TGM6: variants seen among roughly 807,000 people sequenced by gnomAD.
TGM6 encodes the protein transglutaminase 6.
In TGM6, 74 loss-of-function variants were observed where a neutral mutation model predicts 77.5. The observed-to-expected ratio is 0.96, with a 90% CI of 0.79 to 1.16. The LOEUF (loss-of-function observed/expected upper bound fraction) is 1.16. TGM6 is among the 50% of genes most tolerant of loss of function. The probability of loss-of-function intolerance (pLI) is 0.00; values close to 1 mark genes in which losing one functional copy is unlikely to be tolerated. For missense variants in TGM6, 968 were observed against 940.2 expected (o/e 1.03, Z -0.39); for synonymous variants, 383 against 378.9 (o/e 1.01, Z -0.12).
intron 9 of TGM6, among the ~76,000 whole-genome samples, chr20:2,409,911 T>C (rs1018441338): frequency 6.6e-6 from 1 of 152,080 alleles, no homozygotes; most frequent in South Asian, 2.1e-4. Flanking sequence ...AAGAGAAGAA[T>C]CAAATTACTA....
chr20:2,427,741 G>A (rs908108128), intron 10 of TGM6, among the ~76,000 whole-genome samples: 2 of 151,978 alleles, frequency 1.3e-5, no homozygotes, highest in Non-Finnish European at 2.9e-5. Flanking sequence ...TGTTGGGGGA[G>A]GGGTGTTTGT....
rs371408722 is a variant in TGM6 at position 2,394,566 on chromosome 20, C to T, written c.122C>T (p.Thr41Met). The T allele has an allele frequency of 1.3e-5, 21 of 1,612,226 alleles. No individual in the cohort carries two copies. Among genetic ancestry groups the T allele is most frequent in the African/African-American group, 6.7e-5 (5 of 74,866 alleles). ...CGCAGGGGCCAGTCGTTCAGCCTCA[C>T]GCTGGAGCTGAGCAGAGCCCTGGAC... Reference protein sequence around the residue: ...VVRRGQSFSLTLELSRALDCE... With the variant: ...VVRRGQSFSLMLELSRALDCE... Residue 41 changes from threonine to methionine, a missense_variant, in exon 2 of 13, where the codon ACG (threonine) becomes ATG (methionine). Physicochemically the swap from Thr to Met is moderately conservative, Grantham distance 81. Transcript: ENST00000202625.
At chr20:2,411,428 T>C (rs1015791112) in intron 9 of TGM6, among the ~76,000 whole-genome samples, 1 of 149,644 alleles carries the variant, frequency 6.7e-6, no homozygotes, top group Admixed American at 6.7e-5. Flanking sequence ...AGAAAAAGCA[T>C]TTGACAAAAT....
chr20:2,385,403 G>A (rs183347155), intron 1 of TGM6, among the ~76,000 whole-genome samples: 260 of 152,238 alleles, frequency 1.7e-3, no homozygotes, highest in Middle Eastern at 3.4e-3. Context: ...TAGGGAGGAG[G>A]GCTGAGAGGA....
intron 9 of TGM6, among the ~76,000 whole-genome samples, chr20:2,405,121 T>C (rs766916694): frequency 5.9e-5 from 9 of 152,192 alleles, no homozygotes; most frequent in African/African-American, 9.6e-5. Flanking sequence ...ACTGCTGAGA[T>C]GGCTGGGTCT....
rs1362978675 is a variant in TGM6 at position 2,430,618 on chromosome 20, C to T, written c.1833+18C>T. The T allele has an allele frequency of 6.2e-7, 1 of 1,613,846 alleles. No individual in the cohort carries two copies. Among genetic ancestry groups the T allele is most frequent in the Admixed American group, 1.7e-5 (1 of 60,026 alleles). The stretch of plus-strand genomic sequence containing the variant: ...CCATCAAGGTGACCTCAGCCTGCAT[C>T]TACCATGCTGTTCCTAGTGGCACCC... On this transcript the variant is annotated intron_variant, in intron 11 of 12. Transcript: ENST00000202625.
rs1234375691 is a variant in TGM6 at position 2,430,476 on chromosome 20, C to T, written c.1709C>T (p.Ser570Phe). 2.5e-6 allele frequency: 4 copies of T among 1,614,068 alleles called. No individual in the cohort carries two copies. The highest frequency in any genetic ancestry group is 3.4e-6 in the Non-Finnish European group (4 of 1,180,054). Residue 570 changes from serine (S) to phenylalanine (F), a missense_variant, in exon 11 of 13, where the codon TCT (serine) becomes TTT (phenylalanine). Physicochemically the swap from Ser to Phe is radical, Grantham distance 155. Transcript: ENST00000202625. ...AGAATCCCAATTACAATATCTTACTCTAAGTATAAAGAAGACCTGACAGAG... is the reference window on the plus strand; with the variant it reads ...AGAATCCCAATTACAATATCTTACTTTAAGTATAAAGAAGACCTGACAGAG... ...EKRIPITISY[S>F]KYKEDLTEDK... is the part of the protein sequence containing the mutation.
chr20:2,401,735 G>A (rs541915748), intron 7 of TGM6, among the ~76,000 whole-genome samples: 3 of 152,358 alleles, frequency 2.0e-5, no homozygotes, highest in Non-Finnish European at 4.4e-5. Flanking sequence ...CACACAGCTA[G>A]TGAGTGGAAG....
At chr20:2,391,327 A>G (rs1235923053) in intron 1 of TGM6, among the ~76,000 whole-genome samples, 2 of 152,142 alleles carry the variant, frequency 1.3e-5, no homozygotes, top group African/African-American at 4.8e-5. Context: ...AGGAGAGATG[A>G]ACTCTGGTGG....
chr20:2,405,693 T>A (rs561544222), intron 9 of TGM6, among the ~76,000 whole-genome samples: 1 of 152,340 alleles, frequency 6.6e-6, no homozygotes, highest in Non-Finnish European at 1.5e-5. Context: ...CTTGTGCTAT[T>A]TGGGTCCTTT....
chr20:2,408,676 A>G (rs2084767226), intron 9 of TGM6, among the ~76,000 whole-genome samples: 1 of 152,166 alleles, frequency 6.6e-6, no homozygotes, highest in African/African-American at 2.4e-5. Flanking sequence ...TGTTTTGTTG[A>G]TTGCAGGACT....
At chr20:2,396,750 C>T (rs2084671442) in intron 4 of TGM6, 126 bp downstream of exon 4, 13 of 850,858 alleles carry the variant, frequency 1.5e-5, no homozygotes, top group Non-Finnish European at 2.3e-5. Flanking sequence ...AGAGAAAACC[C>T]ACTCATTCAT....
intron 3 of TGM6, 115 bp downstream of exon 3, chr20:2,395,551 A>G: frequency 1.3e-6 from 2 of 1,579,488 alleles, no homozygotes; most frequent in Non-Finnish European, 8.7e-7. Flanking sequence ...GAATGCCAAG[A>G]GCTGGGCAAG....
Position 2,415,536 on chromosome 20 carries a change from T to C in TGM6, c.1337-1696T>C, listed in dbSNP as rs116648129. Among the ~76,000 whole-genome samples, 602 of 152,146 alleles carry C rather than the reference T, an allele frequency of 4.0e-3. 3 individuals carry two copies. Among genetic ancestry groups the C allele is most frequent in the African/African-American group, 0.013 (551 of 41,510 alleles). ...CGGGACAGATTAATGAAAACAGTAA[T>C]AAAAGTTCACACACTGACCTCATGG... is the stretch of plus-strand genomic sequence containing the variant. On this transcript the variant is annotated intron_variant, in intron 9 of 12. Coordinates refer to ENST00000202625, the MANE Select transcript of TGM6 (RefSeq NM_198994.3).
intron 1 of TGM6, among the ~76,000 whole-genome samples, chr20:2,384,054 C>G (rs2084575744): frequency 7.1e-6 from 1 of 140,332 alleles, no homozygotes; most frequent in Non-Finnish European, 1.5e-5. Flanking sequence ...TTGCAGTGAG[C>G]AGAAATTGTG....
chr20:2,399,477 A>C, intron 5 of TGM6, 84 bp from the exon 6 acceptor site: 1 of 1,604,530 alleles, frequency 6.2e-7, no homozygotes, highest in South Asian at 1.1e-5. Flanking sequence ...CTGGTGGTCC[A>C]AAGTTGGACA....
chr20:2,421,859 T>C (rs1252492163), intron 10 of TGM6, among the ~76,000 whole-genome samples: 3 of 152,070 alleles, frequency 2.0e-5, no homozygotes, highest in African/African-American at 7.2e-5. Flanking sequence ...CGGCTGGATG[T>C]GGTGGCTCAC....
intron 4 of TGM6, among the ~76,000 whole-genome samples, chr20:2,397,158 C>A (rs186883313): frequency 6.6e-6 from 1 of 152,210 alleles, no homozygotes; most frequent in African/African-American, 2.4e-5. Context: ...GTGAAAGGAA[C>A]CTCCACTTCG....
At chr20:2,382,985 G>A (rs2084566539) in intron 1 of TGM6, among the ~76,000 whole-genome samples, 1 of 152,196 alleles carries the variant, frequency 6.6e-6, no homozygotes, top group Non-Finnish European at 1.5e-5. Flanking sequence ...AATACTGTAT[G>A]TGAGGCTGGC....
Sources: gnomAD v4.1 joint callset for allele counts (sites outside exome capture counted in the v4.1 genomes callset) on GRCh38, gnomAD v4.1.1 for gene constraint, MANE v1.5 for transcripts, NCBI Gene and HGNC (gene_info 2026-07-23, HGNC 2026-07-21) for gene names.